Variants in FMN1 observed in about 807,000 individuals in gnomAD.
The protein encoded by FMN1 is formin 1.
In FMN1, 110 loss-of-function variants were observed where a neutral mutation model predicts 132.4. The observed-to-expected ratio is 0.83, with a 90% CI of 0.71 to 0.97. FMN1 has a LOEUF of 0.97. Ranked by LOEUF, FMN1 falls within the 50% of genes least tolerant of loss-of-function variation. The pLI is 0.00. For synonymous variants in FMN1, 722 were observed against 651.7 expected (o/e 1.11, Z -1.64); for missense variants, 1,792 against 1,705.3 (o/e 1.05, Z -0.90).
In FMN1 at chr15:32,840,690, T is replaced by G. The variant is rs551262548; in HGVS notation, c.3928+16325A>C. ...GGGTGGGAGGCAGTCCTTGGATGATTAGCACAGGTGTCCAGGAGGGAGGGG... is the reference window on the plus strand; with the variant it reads ...GGGTGGGAGGCAGTCCTTGGATGATGAGCACAGGTGTCCAGGAGGGAGGGG... On this transcript the variant is annotated intron_variant, in intron 17 of 20. Coordinates refer to ENST00000616417, the MANE Select transcript of FMN1 (RefSeq NM_001277313.2). Among the ~76,000 whole-genome samples, 4 of 152,234 alleles carry G rather than the reference T, an allele frequency of 2.6e-5. No homozygotes were observed. The East Asian group carries it at 5.8e-4, about 22-fold the overall frequency.
At chr15:32,994,061 C>T (rs1403591928) in intron 7 of FMN1, among the ~76,000 whole-genome samples, 2 of 152,110 alleles carry the variant, frequency 1.3e-5, no homozygotes, top group African/African-American at 4.8e-5. Context: ...TCTTGCCTTT[C>T]TCCACCGCAC....
chr15:33,126,353 C>G (rs989645394), intron 4 of FMN1, among the ~76,000 whole-genome samples: 1 of 152,134 alleles, frequency 6.6e-6, no homozygotes, highest in Admixed American at 6.5e-5. Flanking sequence ...TCACTGTGGG[C>G]AGGCAGTCCA....
intron 16 of FMN1, among the ~76,000 whole-genome samples, chr15:32,860,040 AGAAAGAAT>A (rs112580965): frequency 0.026 from 3,945 of 151,860 alleles, 177 homozygotes; most frequent in African/African-American, 0.09. Context: ...AAGAAAGGAA[AGAAAGAAT>A]GAAAGAATGA....
chr15:32,911,806 G>A (rs1274198630), intron 10 of FMN1, among the ~76,000 whole-genome samples: 1 of 151,918 alleles, frequency 6.6e-6, no homozygotes, highest in Non-Finnish European at 1.5e-5. Flanking sequence ...CCAAGACAAA[G>A]GAACATCACA....
chr15:32,968,615 G>T, intron 8 of FMN1, 99 bp downstream of exon 8: 1 of 1,552,000 alleles, frequency 6.4e-7, no homozygotes, highest in Non-Finnish European at 8.7e-7. Flanking sequence ...TTGATAATGG[G>T]TGCTACACTA....
chr15:33,062,536 G>A (rs925441611), intron 6 of FMN1: 1 of 152,112 alleles, frequency 6.6e-6, no homozygotes, highest in African/African-American at 2.4e-5. Flanking sequence ...GCAGGAGAAT[G>A]GCGTGAACCT....
chr15:32,968,180 G>A (rs185286622), intron 8 of FMN1, among the ~76,000 whole-genome samples: 6 of 152,188 alleles, frequency 3.9e-5, no homozygotes, highest in Admixed American at 6.5e-5. Context: ...TTCAAGCAGA[G>A]AGAGTTTGTA....
At chr15:33,048,651 C>CAAAAAAAAAAAAAAAAAAAAAAAAAA (rs1338668794) in intron 6 of FMN1, among the ~76,000 whole-genome samples, 6 of 120,118 alleles carry the variant, frequency 5.0e-5, no homozygotes, top group East Asian at 2.2e-4. Context: ...AAAAAAAAAC[C>CAAAAAAAAAAAAAAAAAAAAAAAAAA]AACAGTTTAA....
At chr15:33,164,080 G>A (rs1368501479) in intron 3 of FMN1, among the ~76,000 whole-genome samples, 2 of 148,214 alleles carry the variant, frequency 1.3e-5, no homozygotes, top group Non-Finnish European at 3.1e-5. Context: ...CACATGGGGA[G>A]GAATCAGCCT....
chr15:32,818,016 A>G (rs2058103703), intron 17 of FMN1, among the ~76,000 whole-genome samples: 1 of 152,240 alleles, frequency 6.6e-6, no homozygotes, highest in Admixed American at 6.5e-5. Flanking sequence ...TCATTGTAGA[A>G]CATTTGAGAA....
chr15:33,072,104 A>G (rs1019896045), intron 5 of FMN1, among the ~76,000 whole-genome samples: 4 of 152,158 alleles, frequency 2.6e-5, no homozygotes, highest in African/African-American at 9.7e-5. Context: ...ACAACCTTAT[A>G]CTGAGGATGA....
chr15:32,828,451 C>T (rs1178637374), intron 17 of FMN1, among the ~76,000 whole-genome samples: 1 of 151,406 alleles, frequency 6.6e-6, no homozygotes. Flanking sequence ...TTCCATTTTC[C>T]AAATTAATGG....
At chr15:33,094,130 G>A (rs1033897939) in intron 4 of FMN1, among the ~76,000 whole-genome samples, 2 of 152,094 alleles carry the variant, frequency 1.3e-5, no homozygotes, top group Non-Finnish European at 2.9e-5. Flanking sequence ...GTGGGTACAG[G>A]GCTTTAACAT....
Position 33,039,476 on chromosome 15 carries a change from T to A in FMN1, c.2161+25481A>T, listed in dbSNP as rs189058041. Among the ~76,000 whole-genome samples the A allele has an allele frequency of 5.9e-5, 9 of 152,328 alleles. No homozygotes were observed. In the East Asian group the frequency reaches 1.7e-3, roughly 29 times the overall value. On this transcript the variant is annotated intron_variant, in intron 6 of 20. Transcript: ENST00000616417. ...GAGGAAACTTATTTTTTATGTAAAT[T>A]GTTATTAGACAGCTGGTTTTATGAA...
At chr15:32,949,745 A>C (rs1406915871) in intron 9 of FMN1, among the ~76,000 whole-genome samples, 1 of 151,620 alleles carries the variant, frequency 6.6e-6, no homozygotes, top group Non-Finnish European at 1.5e-5. Flanking sequence ...CAGCAAAAGA[A>C]ACTATCAACA....
chr15:33,123,598 G>A (rs1206547236), intron 4 of FMN1, among the ~76,000 whole-genome samples: 2 of 152,114 alleles, frequency 1.3e-5, no homozygotes, highest in Non-Finnish European at 2.9e-5. Context: ...ATGGTATGGG[G>A]GTACAGGTTA....
chr15:32,831,680 A>T (rs544854016), intron 17 of FMN1, among the ~76,000 whole-genome samples: 109 of 152,236 alleles, frequency 7.2e-4, no homozygotes, highest in African/African-American at 2.5e-3. Context: ...AGAGACTATG[A>T]AGATAATCTC....
chr15:33,151,373 T>A, intron 4 of FMN1: 1 of 1,536,606 alleles, frequency 6.5e-7, no homozygotes, highest in Non-Finnish European at 8.7e-7. Flanking sequence ...AAGATCCCAA[T>A]GGAAGGCTGA....
intron 18 of FMN1, among the ~76,000 whole-genome samples, chr15:32,801,448 G>A (rs1310359057): frequency 3.3e-5 from 5 of 152,114 alleles, no homozygotes; most frequent in African/African-American, 7.2e-5. Flanking sequence ...CAGCAGCTTA[G>A]ACAAAGATAA....
Sources: gnomAD v4.1 joint callset for allele counts (sites outside exome capture counted in the v4.1 genomes callset) on GRCh38, gnomAD v4.1.1 for gene constraint, MANE v1.5 for transcripts, NCBI Gene and HGNC (gene_info 2026-07-23, HGNC 2026-07-21) for gene names.